The following SLIT2 variants were observed in gnomAD, a reference collection of about 807,000 sequenced individuals.
The protein encoded by SLIT2 is slit guidance ligand 2, also known as slit homolog 2 protein.
SLIT2 carries 41 observed loss-of-function variants against 185.7 expected under a neutral mutation model. That is an observed-to-expected ratio of 0.22 (90% confidence interval 0.17 to 0.29). The LOEUF (loss-of-function observed/expected upper bound fraction) is 0.29. Ranked by LOEUF, SLIT2 falls within the 10% of genes least tolerant of loss-of-function variation. The probability of loss-of-function intolerance (pLI) is 1.00; values close to 1 mark genes in which losing one functional copy is unlikely to be tolerated. For synonymous variants in SLIT2, 693 were observed against 680.2 expected, an observed-to-expected ratio of 1.02 and a Z score of -0.29; for missense variants, 1,571 against 1,909.0, an observed-to-expected ratio of 0.82 and a Z score of 3.30.
chr4:20,388,062 C>G (rs977141236), intron 4 of SLIT2, among the ~76,000 whole-genome samples: 3 of 152,036 alleles, frequency 2.0e-5, no homozygotes, highest in Non-Finnish European at 2.9e-5. Context: ...CTTCATGAAA[C>G]TAGGAAGTGA....
intron 10 of SLIT2, 36 bp downstream of exon 10, chr4:20,510,602 A>G (rs1030939479): frequency 7.3e-7 from 1 of 1,361,286 alleles, no homozygotes; most frequent in Non-Finnish European, 1.0e-6. Flanking sequence ...ATGTAATTTT[A>G]AAAATTATAG....
chr4:20,437,057 T>C (rs1729388691), intron 4 of SLIT2, among the ~76,000 whole-genome samples: 1 of 152,144 alleles, frequency 6.6e-6, no homozygotes, highest in Non-Finnish European at 1.5e-5. Flanking sequence ...ATGTAAGCAT[T>C]TTGTCTCATT....
intron 4 of SLIT2, among the ~76,000 whole-genome samples, chr4:20,382,542 A>G (rs1212182581): frequency 2.0e-5 from 3 of 152,198 alleles, no homozygotes; most frequent in Non-Finnish European, 4.4e-5. Context: ...TTAAAAATTT[A>G]AAAATCACCA....
intron 4 of SLIT2, among the ~76,000 whole-genome samples, chr4:20,444,964 T>C (rs909334181): frequency 1.3e-5 from 2 of 152,206 alleles, no homozygotes; most frequent in African/African-American, 2.4e-5. Context: ...TTTCTTTGTA[T>C]TTATAATAAT....
chr4:20,587,320 A>G (rs987056550), intron 29 of SLIT2, among the ~76,000 whole-genome samples: 8 of 152,174 alleles, frequency 5.3e-5, no homozygotes, highest in African/African-American at 1.9e-4. Flanking sequence ...GCCTGGCCAA[A>G]AATCAAATCA....
chr4:20,374,148 A>G (rs1019272970), intron 4 of SLIT2, among the ~76,000 whole-genome samples: 15 of 152,058 alleles, frequency 9.9e-5, no homozygotes, highest in Non-Finnish European at 2.2e-4. Flanking sequence ...AATAATGCCT[A>G]CTTGATGAAG....
chr4:20,539,425 C>CT lies in SLIT2; in HGVS notation c.1833-9dup. On this transcript the variant is annotated splice_polypyrimidine_tract_variant and intron_variant, in intron 18 of 36. Transcript: ENST00000504154. ...GATGCTTTGTCTCCATAACAATGTC[C>CT]TTTTTTTCCCCTCAGGATGTTGAGA... The CT allele has an allele frequency of 2.5e-6, 4 of 1,603,900 alleles. No individual in the cohort carries two copies. The highest frequency in any genetic ancestry group is 1.1e-5 in the South Asian group (1 of 89,042).
At chr4:20,320,355 A>G (rs1201612867) in intron 4 of SLIT2, among the ~76,000 whole-genome samples, 4 of 152,158 alleles carry the variant, frequency 2.6e-5, no homozygotes, top group Non-Finnish European at 4.4e-5. Flanking sequence ...GTCATGGTGG[A>G]ATCACTCAGC....
chr4:20,610,215 A>G (rs754878278), intron 34 of SLIT2, 48 bp downstream of exon 34: 1 of 1,541,650 alleles, frequency 6.5e-7, no homozygotes, highest in South Asian at 1.2e-5. Context: ...TGTGATTCTC[A>G]TTATGGACGA....
intron 4 of SLIT2, among the ~76,000 whole-genome samples, chr4:20,463,491 A>ATATATATATATGTG (rs1491274435): frequency 1.0e-5 from 1 of 96,232 alleles, no homozygotes; most frequent in East Asian, 2.6e-4. Flanking sequence ...ATATATATAT[A>ATATATATATATGTG]TGTGTGTGTG....
intron 4 of SLIT2, among the ~76,000 whole-genome samples, chr4:20,398,763 T>C (rs548095182): frequency 6.6e-6 from 1 of 151,950 alleles, no homozygotes; most frequent in South Asian, 2.1e-4. Context: ...GATTATAGTG[T>C]CATTTATCAA....
At chr4:20,463,448 G>GATATATATAT (rs56256520) in intron 4 of SLIT2, among the ~76,000 whole-genome samples, 187 of 67,202 alleles carry the variant, frequency 2.8e-3, no homozygotes, top group Non-Finnish European at 3.6e-3. Context: ...CTCAAACTGT[G>GATATATATAT]ATATATATAT....
At chr4:20,503,928 C>T (rs1287436452) in intron 9 of SLIT2, among the ~76,000 whole-genome samples, 2 of 152,100 alleles carry the variant, frequency 1.3e-5, no homozygotes, top group African/African-American at 4.8e-5. Context: ...CCAGAAGTAT[C>T]ACTCTAGGGC....
At chr4:20,605,138 T>TA (rs894120403) in intron 33 of SLIT2, among the ~76,000 whole-genome samples, 1 of 152,144 alleles carries the variant, frequency 6.6e-6, no homozygotes, top group Non-Finnish European at 1.5e-5. Flanking sequence ...CCAGCCCAGA[T>TA]ACTTTAAAAT....
At chr4:20,543,116 A>G (rs1722960747) in intron 21 of SLIT2, among the ~76,000 whole-genome samples, 1 of 151,942 alleles carries the variant, frequency 6.6e-6, no homozygotes, top group African/African-American at 2.4e-5. Context: ...AAATTTTACC[A>G]CATGGGATAA....
intron 4 of SLIT2, among the ~76,000 whole-genome samples, chr4:20,444,598 A>G (rs1711561735): frequency 6.6e-6 from 1 of 152,222 alleles, no homozygotes. Flanking sequence ...CACAGTATTC[A>G]TTTTAGAATT....
Position 20,589,760 on chromosome 4 carries a change from G to T in SLIT2, c.3182+23G>T, listed in dbSNP as rs772398236. ...CAAGTAAGTCAAAAGCTACCTTTTT[G>T]CTCACAGTCAGGGTAGGGGACCCAT... On this transcript the variant is annotated intron_variant, in intron 30 of 36. Coordinates refer to ENST00000504154, the MANE Select transcript of SLIT2 (RefSeq NM_004787.4). The T allele has an allele frequency of 5.1e-6, 8 of 1,581,322 alleles. No homozygotes were observed. In the East Asian group the frequency reaches 1.6e-4, roughly 31 times the overall value.
At chr4:20,356,962 T>TAAAAC (rs961285422) in intron 4 of SLIT2, among the ~76,000 whole-genome samples, 7 of 152,214 alleles carry the variant, frequency 4.6e-5, no homozygotes, top group African/African-American at 1.7e-4. Context: ...CGTGCAAGTT[T>TAAAAC]AAAACAAAAC....
At chr4:20,539,821 TATG>T (rs1722643174) in intron 19 of SLIT2, among the ~76,000 whole-genome samples, 1 of 152,222 alleles carries the variant, frequency 6.6e-6, no homozygotes, top group African/African-American at 2.4e-5. Flanking sequence ...TTCATAGTGA[TATG>T]ATCAATAATG....
Sources: gnomAD v4.1 joint callset for allele counts (sites outside exome capture counted in the v4.1 genomes callset) on GRCh38, gnomAD v4.1.1 for gene constraint, MANE v1.5 for transcripts, NCBI Gene and HGNC (gene_info 2026-07-23, HGNC 2026-07-21) for gene names.